GSTCD: variants seen among roughly 807,000 people sequenced by gnomAD.
GSTCD encodes the protein glutathione S-transferase C-terminal domain-containing protein.
Under a neutral mutation model 68.3 loss-of-function variants are expected in GSTCD, and 44 were observed. The ratio of observed to expected loss-of-function variants is 0.64; its 90% confidence interval spans 0.51 to 0.83. The LOEUF (loss-of-function observed/expected upper bound fraction) is 0.83, where lower values mean the gene tolerates loss of function less well. Among genes scored for constraint, GSTCD ranks in the 40% least tolerant of loss-of-function variants. The pLI is 0.00. For missense variants in GSTCD, 739 were observed against 735.9 expected (o/e 1.00, Z -0.05); for synonymous variants, 273 against 255.2 (o/e 1.07, Z -0.67).
At chr4:105,791,911 A>G (rs745719448) in intron 5 of GSTCD, among the ~76,000 whole-genome samples, 13 of 152,162 alleles carry the variant, frequency 8.5e-5, no homozygotes, top group Middle Eastern at 3.2e-3. Context: ...TTATTAGATA[A>G]TTATGTCCAA....
At chr4:105,723,089 A>T (rs1255251408) in intron 3 of GSTCD, among the ~76,000 whole-genome samples, 1 of 151,958 alleles carries the variant, frequency 6.6e-6, no homozygotes, top group Non-Finnish European at 1.5e-5. Context: ...GAAAGGAAAG[A>T]TGCCACGTAC....
chr4:105,719,653 A>T, intron 3 of GSTCD, 126 bp downstream of exon 3: 2 of 686,980 alleles, frequency 2.9e-6, no homozygotes, highest in South Asian at 3.9e-5. Flanking sequence ...ATCTTTCTCC[A>T]TTTTCTTATC....
chr4:105,790,441 C>A (rs1261138870), intron 5 of GSTCD, among the ~76,000 whole-genome samples: 1 of 151,986 alleles, frequency 6.6e-6, no homozygotes, highest in African/African-American at 2.4e-5. Flanking sequence ...GAGTTCAAGA[C>A]CACCCTAGGC....
intron 5 of GSTCD, among the ~76,000 whole-genome samples, chr4:105,808,719 C>A (rs1322889056): frequency 6.6e-6 from 1 of 151,974 alleles, no homozygotes; most frequent in African/African-American, 2.4e-5. Context: ...CAACTGTGGC[C>A]CAAAAATATT....
chr4:105,845,761 A>G lies in GSTCD; in HGVS notation c.*184A>G. On this transcript the variant is annotated 3_prime_UTR_variant, in exon 12 of 12. Transcript: ENST00000515279. Reference sequence around the variant, plus strand: ...CCCTGCAAAGCATCACAAATGCTTTACAATGTGTGATTAAAGGACTGCTGG... The same window carrying G: ...CCCTGCAAAGCATCACAAATGCTTTGCAATGTGTGATTAAAGGACTGCTGG... The G allele has an allele frequency of 1.7e-6, 1 of 595,042 alleles. No individual in the cohort carries two copies. The highest frequency in any genetic ancestry group is 2.9e-6 in the Non-Finnish European group (1 of 339,602). The allele number at this position is 595,042 out of a possible 1,614,324, so 36.9% of individuals were successfully genotyped here. A position where few individuals can be genotyped will look rare whatever the true frequency, so the allele number is the denominator to read the frequency against.
At chr4:105,824,784 C>T (rs1024505155) in intron 7 of GSTCD, among the ~76,000 whole-genome samples, 2 of 152,108 alleles carry the variant, frequency 1.3e-5, no homozygotes, top group Non-Finnish European at 1.5e-5. Flanking sequence ...CCCTGTCCCC[C>T]CATCACTACT....
At chr4:105,765,073 G>A (rs1734554671) in intron 5 of GSTCD, among the ~76,000 whole-genome samples, 1 of 151,950 alleles carries the variant, frequency 6.6e-6, no homozygotes, top group Non-Finnish European at 1.5e-5. Flanking sequence ...CACATGTACT[G>A]TATAACAGAA....
At chr4:105,721,181 C>T (rs1732847732) in intron 3 of GSTCD, among the ~76,000 whole-genome samples, 1 of 152,064 alleles carries the variant, frequency 6.6e-6, no homozygotes, top group South Asian at 2.1e-4. Flanking sequence ...ACCATGTTGG[C>T]CAGGCTGCTT....
intron 5 of GSTCD, among the ~76,000 whole-genome samples, chr4:105,794,815 T>C (rs1735808353): frequency 1.3e-5 from 2 of 151,352 alleles, no homozygotes; most frequent in African/African-American, 4.9e-5. Context: ...TTTTTATTAT[T>C]TCTGCTTTTA....
At chr4:105,734,263 A>G (rs1309315461) in intron 5 of GSTCD, among the ~76,000 whole-genome samples, 1 of 152,138 alleles carries the variant, frequency 6.6e-6, no homozygotes, top group African/African-American at 2.4e-5. Context: ...GTTCTCCTGG[A>G]TAATATCCTG....
rs1205437375 is a variant in GSTCD, at chr4:105,812,751, G to T, written c.1241-10203G>T. Among the ~76,000 whole-genome samples the T allele has an allele frequency of 2.6e-5, 4 of 151,912 alleles. No individual in the cohort carries two copies. The East Asian group carries it at 7.7e-4, about 29-fold the overall frequency. ...ACATTTCCTTGAAAAATATACTTTA[G>T]CATGTCTCTCATGCTGATTTTAGAT... On this transcript the variant is annotated intron_variant, in intron 5 of 11. Coordinates refer to ENST00000515279, the MANE Select transcript of GSTCD (RefSeq NM_001370181.1).
intron 5 of GSTCD, among the ~76,000 whole-genome samples, chr4:105,765,029 C>T (rs1026318070): frequency 2.0e-5 from 3 of 152,062 alleles, no homozygotes; most frequent in Non-Finnish European, 4.4e-5. Flanking sequence ...TTTTTCATTA[C>T]AACTCAATTC....
At chr4:105,829,602 A>G (rs1174874388) in intron 8 of GSTCD, among the ~76,000 whole-genome samples, 3 of 152,180 alleles carry the variant, frequency 2.0e-5, no homozygotes, top group Admixed American at 2.0e-4. Context: ...CATGGGACTT[A>G]TTCACTATCA....
rs80281217 is a variant in GSTCD, at chr4:105,789,580, C to T, written c.1241-33374C>T. ...CTCTCTGTAGGGCAGCTGAGAGCAT[C>T]GCAGTTGGCTTCCCTCAGAGTGTGC... On this transcript the variant is annotated intron_variant, in intron 5 of 11. Transcript: ENST00000515279. 8.9e-3 allele frequency among the ~76,000 whole-genome samples: 1,358 copies of T among 152,090 alleles called. 37 individuals are homozygous for T. The highest frequency in any genetic ancestry group is 0.031 in the African/African-American group (1,281 of 41,414).
At chr4:105,830,493 A>C (rs1723850938) in intron 8 of GSTCD, among the ~76,000 whole-genome samples, 1 of 152,166 alleles carries the variant, frequency 6.6e-6, no homozygotes, top group Non-Finnish European at 1.5e-5. Context: ...CTACTAGATA[A>C]TGTGCTTCAT....
At chr4:105,734,401 T>TC (rs1403575430) in intron 5 of GSTCD, among the ~76,000 whole-genome samples, 2 of 152,214 alleles carry the variant, frequency 1.3e-5, no homozygotes, top group Non-Finnish European at 2.9e-5. Flanking sequence ...TACTCTTTTT[T>TC]CTCTAAACTT....
intron 11 of GSTCD, 66 bp from the exon 12 acceptor site, chr4:105,845,375 T>C: frequency 1.9e-6 from 3 of 1,597,478 alleles, no homozygotes; most frequent in Non-Finnish European, 2.6e-6. Context: ...ATAGATTCCC[T>C]TAAACAAACT....
chr4:105,842,185 G>T, intron 11 of GSTCD, 51 bp downstream of exon 11: 14 of 1,411,700 alleles, frequency 9.9e-6, no homozygotes, highest in Non-Finnish European at 1.4e-5. Context: ...CAATATGACT[G>T]GGAATGATTG....
At chr4:105,731,280 A>G (rs1448025544) in intron 5 of GSTCD, among the ~76,000 whole-genome samples, 3 of 152,224 alleles carry the variant, frequency 2.0e-5, no homozygotes, top group African/African-American at 7.2e-5. Context: ...AGTCATTGGT[A>G]GCTTGATGAG....
Sources: allele counts gnomAD v4.1 joint callset (sites outside exome capture counted in the v4.1 genomes callset), GRCh38; gene constraint gnomAD v4.1.1; transcripts MANE v1.5; gene names NCBI Gene and HGNC (gene_info 2026-07-23, HGNC 2026-07-21).